The following LDLRAP1 variants were observed in gnomAD, a reference collection of about 807,000 sequenced individuals.
LDLRAP1 encodes low density lipoprotein receptor adaptor protein 1, also known as low density lipoprotein receptor adapter protein 1.
LDLRAP1 carries 30 observed loss-of-function variants against 37.8 expected under a neutral mutation model. The observed-to-expected ratio is 0.79, with a 90% CI of 0.59 to 1.08. LDLRAP1 has a LOEUF of 1.08. LDLRAP1 is among the 50% of genes least tolerant of loss of function. LDLRAP1 has a pLI of 0.00. For missense variants in LDLRAP1, 375 were observed against 401.6 expected, an observed-to-expected ratio of 0.93 and a Z score of 0.57; for synonymous variants, 156 against 169.8, an observed-to-expected ratio of 0.92 and a Z score of 0.63.
At chr1:25,579,916 C>T in the LDLRAP1 span, among the ~76,000 whole-genome samples, 6 of 152,168 alleles carry the variant, frequency 3.9e-5, no homozygotes, top group African/African-American at 1.2e-4. Flanking sequence ...GTATGGAGCT[C>T]GAAACCCACC....
At chr1:25,581,280 G>T in the LDLRAP1 span, among the ~76,000 whole-genome samples, 3 of 152,176 alleles carry the variant, frequency 2.0e-5, no homozygotes, top group Non-Finnish European at 4.4e-5. Flanking sequence ...CTGAGAAGCA[G>T]AGAGGTAGGT....
the LDLRAP1 span, among the ~76,000 whole-genome samples, chr1:25,582,045 A>G: frequency 6.6e-6 from 1 of 152,146 alleles, no homozygotes; most frequent in Non-Finnish European, 1.5e-5. Flanking sequence ...TGGGCTTCCC[A>G]GGGGTGGAAC....
chr1:25,553,686 G>T (rs1022888228), intron 1 of LDLRAP1: 2 of 520,770 alleles, frequency 3.8e-6, no homozygotes, highest in South Asian at 4.2e-5. Flanking sequence ...CAGGAGAATC[G>T]CTTGAACCTG....
chr1:25,556,710 A>G lies in LDLRAP1; in HGVS notation c.345-443A>G, dbSNP rs146469178. ...CAGTCATGGCCTCTGGAGTCCTACA[A>G]GTGAGTTCAGGTCTGGGCTCAGGTC... On this transcript the variant is annotated intron_variant, in intron 3 of 8. Coordinates refer to ENST00000374338, the MANE Select transcript of LDLRAP1 (RefSeq NM_015627.3). Among the ~76,000 whole-genome samples the G allele has an allele frequency of 5.0e-3, 764 of 152,328 alleles. 6 individuals are homozygous for G. Among genetic ancestry groups the G allele is most frequent in the African/African-American group, 0.017 (727 of 41,572 alleles).
At position 25,554,616 on chromosome 1, in the gene LDLRAP1, A is replaced by G. The variant is rs1339585332; in HGVS notation, c.232-244A>G. On this transcript the variant is annotated intron_variant, in intron 2 of 8. Coordinates refer to ENST00000374338, the MANE Select transcript of LDLRAP1 (RefSeq NM_015627.3). The surrounding 1 kb of genome is among the most constrained non-coding windows in gnomAD (Gnocchi z 5.4). ...TAAGTCCCTTAGCCTCTCTGAGTCC[A>G]TCTCTGGGGAGAGGGAGGATGACTC... 1.3e-5 allele frequency among the ~76,000 whole-genome samples: 2 copies of G among 152,154 alleles called. No individual in the cohort carries two copies. The highest frequency in any genetic ancestry group is 2.9e-5 in the Non-Finnish European group (2 of 68,024).
chr1:25,574,834 C>T, the LDLRAP1 span, among the ~76,000 whole-genome samples: 11 of 152,208 alleles, frequency 7.2e-5, no homozygotes, highest in African/African-American at 2.2e-4. Context: ...TTTCCTTGTG[C>T]GTCTGTGGGT....
chr1:25,543,810 G>A, intron 1 of LDLRAP1, 24 bp downstream of exon 1: 1 of 1,198,716 alleles, frequency 8.3e-7, no homozygotes, highest in Non-Finnish European at 1.0e-6. Flanking sequence ...CGTCAGCCGG[G>A]CCGGGCCGGG....
chr1:25,582,401 A>G, the LDLRAP1 span, among the ~76,000 whole-genome samples: 2 of 152,076 alleles, frequency 1.3e-5, no homozygotes, highest in Non-Finnish European at 2.9e-5. Flanking sequence ...CCTGGCGAAC[A>G]CGGTGAAACC....
chr1:25,574,657 G>A, the LDLRAP1 span, among the ~76,000 whole-genome samples: 1 of 152,144 alleles, frequency 6.6e-6, no homozygotes, highest in East Asian at 1.9e-4. Context: ...GTGTCTCTTG[G>A]TCCCTGCCAG....
At position 25,563,641 on chromosome 1, in the gene LDLRAP1, C is replaced by T. The variant is rs2044400675; in HGVS notation, c.617-20C>T. On this transcript the variant is annotated intron_variant, in intron 6 of 8. Coordinates refer to ENST00000374338, the MANE Select transcript of LDLRAP1 (RefSeq NM_015627.3). ...GAAGAGGCTGATCTCCCACTGACAA[C>T]CTGACCGGATCCCTCACAGTGGTCG... 1 of 1,612,870 alleles carries T rather than the reference C, an allele frequency of 6.2e-7. No homozygotes were observed. Among genetic ancestry groups the T allele is most frequent in the Non-Finnish European group, 8.5e-7 (1 of 1,179,958 alleles).
chr1:25,575,571 G>C, the LDLRAP1 span, among the ~76,000 whole-genome samples: 3 of 151,950 alleles, frequency 2.0e-5, no homozygotes, highest in Admixed American at 6.6e-5. Context: ...CTCCAGCCTC[G>C]GCCACAGAAT....
intron 4 of LDLRAP1, among the ~76,000 whole-genome samples, chr1:25,558,120 T>C (rs1308046389): frequency 1.3e-5 from 2 of 151,982 alleles, no homozygotes; most frequent in South Asian, 2.1e-4. Context: ...AGAAGTGGAG[T>C]GGGTCAACCT....
At chr1:25,560,728 C>G (rs1321245876) in intron 4 of LDLRAP1, among the ~76,000 whole-genome samples, 2 of 152,218 alleles carry the variant, frequency 1.3e-5, no homozygotes, top group Non-Finnish European at 2.9e-5. Context: ...CATGAGCAGC[C>G]TGGTTCCTGG....
chr1:25,580,383 A>C, the LDLRAP1 span, among the ~76,000 whole-genome samples: 2 of 152,210 alleles, frequency 1.3e-5, no homozygotes, highest in African/African-American at 4.8e-5. Flanking sequence ...AAAACAAAAA[A>C]ATTAAATTAA....
chr1:25,558,520 G>A (rs1269193386), intron 4 of LDLRAP1, among the ~76,000 whole-genome samples: 1 of 152,120 alleles, frequency 6.6e-6, no homozygotes, highest in East Asian at 1.9e-4. Context: ...GCAGGATTGT[G>A]TTTTTTTCTG....
the LDLRAP1 span, among the ~76,000 whole-genome samples, chr1:25,579,410 G>C: frequency 6.6e-6 from 1 of 152,236 alleles, no homozygotes; most frequent in Non-Finnish European, 1.5e-5. Flanking sequence ...GAACTGATAG[G>C]ATTTAGGCAG....
chr1:25,586,075 G>A, the LDLRAP1 span, among the ~76,000 whole-genome samples: 1 of 152,172 alleles, frequency 6.6e-6, no homozygotes, highest in Non-Finnish European at 1.5e-5. The surrounding 1 kb of genome is among the most constrained non-coding windows in gnomAD (Gnocchi z 4.3). Context: ...GCCCAGGGCT[G>A]TTTCCCCTAC....
chr1:25,550,864 G>A (rs1187715158), intron 1 of LDLRAP1, among the ~76,000 whole-genome samples: 2 of 152,150 alleles, frequency 1.3e-5, no homozygotes, highest in Non-Finnish European at 2.9e-5. Context: ...GGGTCAGGGA[G>A]GACTAGGGAA....
At chr1:25,565,322 C>G in intron 8 of LDLRAP1, 115 bp downstream of exon 8, 1 of 1,152,348 alleles carries the variant, frequency 8.7e-7, no homozygotes, top group Non-Finnish European at 1.3e-6. Context: ...CAGACCCCCT[C>G]CAGAGCAACA....
Sources: gnomAD v4.1 joint callset for allele counts (sites outside exome capture counted in the v4.1 genomes callset) on GRCh38, gnomAD v4.1.1 for gene constraint, Gnocchi (gnomAD v3.1) non-coding constraint, MANE v1.5 for transcripts, NCBI Gene and HGNC (gene_info 2026-07-23, HGNC 2026-07-21) for gene names.